YPEL2: variants seen among roughly 807,000 people sequenced by gnomAD.
YPEL2 encodes yippee like 2.
In YPEL2, 2 loss-of-function variants were observed where a neutral mutation model predicts 19.1. The observed-to-expected ratio is 0.10, with a 90% confidence interval of 0.04 to 0.33. The LOEUF is 0.33. Ranked by LOEUF, YPEL2 falls within the 10% of genes least tolerant of loss-of-function variation. YPEL2 has a pLI of 1.00. For missense variants in YPEL2, 66 were observed against 140.7 expected (o/e 0.47, Z 2.68); for synonymous variants, 52 against 50.0 (o/e 1.04, Z -0.17).
intron 2 of YPEL2, among the ~76,000 whole-genome samples, chr17:59,361,459 A>T (rs1415608952): frequency 6.6e-6 from 1 of 152,208 alleles, no homozygotes; most frequent in African/African-American, 2.4e-5. Flanking sequence ...AGCAGTTATC[A>T]CAGTGTGATG....
At chr17:59,363,602 C>T (rs908371557) in intron 2 of YPEL2, among the ~76,000 whole-genome samples, 2 of 152,204 alleles carry the variant, frequency 1.3e-5, no homozygotes, top group Admixed American at 6.5e-5. Context: ...CATGAGCCGC[C>T]GCACCCAGCT....
At chr17:59,374,229 G>C (rs925964947) in intron 2 of YPEL2, among the ~76,000 whole-genome samples, 1 of 152,194 alleles carries the variant, frequency 6.6e-6, no homozygotes, top group Non-Finnish European at 1.5e-5. Context: ...TCCATTTCTA[G>C]AGGGAATACC....
intron 2 of YPEL2, among the ~76,000 whole-genome samples, chr17:59,359,481 G>C (rs536359690): frequency 3.0e-4 from 45 of 152,166 alleles, no homozygotes; most frequent in Non-Finnish European, 5.3e-4. Context: ...AGACCAGAAT[G>C]CCAGTTAGCA....
intron 2 of YPEL2, chr17:59,354,711 C>T (rs2047803992): frequency 6.6e-6 from 1 of 152,280 alleles, no homozygotes; most frequent in Non-Finnish European, 1.5e-5. Flanking sequence ...AGCGTACAGC[C>T]CCTTAGAGTC....
rs1036539301 is a variant in YPEL2, at chr17:59,397,700, G to GA, written c.*520dup. 3.5e-4 allele frequency: 52 copies of GA among 149,862 alleles called. No homozygotes were observed. The highest frequency in any genetic ancestry group is 1.1e-3 in the African/African-American group (44 of 40,960). The allele number at this position is 149,862 out of a possible 1,614,324, so 9.3% of individuals were successfully genotyped here. On this transcript the variant is annotated 3_prime_UTR_variant, in exon 5 of 5. Coordinates refer to ENST00000312655, the MANE Select transcript of YPEL2 (RefSeq NM_001005404.4). ...ATTGACTTGTCTAAAAGGACAAAGAGAAAAAAAAAATACCTCATGACTGCA... is the reference window on the plus strand; with the variant it reads ...ATTGACTTGTCTAAAAGGACAAAGAGAAAAAAAAAAATACCTCATGACTGCA...
intron 4 of YPEL2, among the ~76,000 whole-genome samples, chr17:59,396,201 G>T (rs2048038581): frequency 6.6e-6 from 1 of 152,152 alleles, no homozygotes; most frequent in Non-Finnish European, 1.5e-5. Context: ...AGTAAACCAA[G>T]ATTTATATAT....
chr17:59,338,788 A>G (rs1053458951), intron 1 of YPEL2, among the ~76,000 whole-genome samples: 5 of 152,200 alleles, frequency 3.3e-5, no homozygotes, highest in African/African-American at 9.7e-5. Flanking sequence ...GAGGGAGGCT[A>G]TCTCTAGGGA....
At chr17:59,372,490 T>C (rs1471786864) in intron 2 of YPEL2, among the ~76,000 whole-genome samples, 1 of 152,210 alleles carries the variant, frequency 6.6e-6, no homozygotes, top group Non-Finnish European at 1.5e-5. Context: ...ATGAAAGTGC[T>C]GGAATTTGCA....
chr17:59,335,488 G>A (rs977282339), intron 1 of YPEL2, among the ~76,000 whole-genome samples: 43 of 151,728 alleles, frequency 2.8e-4, no homozygotes, highest in Non-Finnish European at 2.8e-4. Context: ...TCTGAAACAT[G>A]CCATACTTAG....
chr17:59,389,465 ATACGTAAG>A lies in YPEL2; in HGVS notation c.270_270+7del. On this transcript the variant is annotated splice_donor_variant and splice_donor_5th_base_variant and coding_sequence_variant and intron_variant, in exon 4 of 5. Transcript: ENST00000312655. LOFTEE classifies it high-confidence loss of function. Reference sequence around the variant, plus strand: ...ACTGCAAAACCACTCTGGGCTGGAAATACGTAAGTATAAAGGAGTTTGGTTGGTAGAGG... The same window carrying A: ...ACTGCAAAACCACTCTGGGCTGGAAATATAAAGGAGTTTGGTTGGTAGAGG... 2 of 1,612,770 alleles carry A rather than the reference ATACGTAAG, an allele frequency of 1.2e-6. No individual in the cohort carries two copies. Among genetic ancestry groups the A allele is most frequent in the Non-Finnish European group, 1.7e-6 (2 of 1,179,572 alleles).
intron 2 of YPEL2, among the ~76,000 whole-genome samples, chr17:59,380,458 C>CG (rs1157043995): frequency 6.6e-6 from 1 of 151,704 alleles, no homozygotes; most frequent in African/African-American, 2.4e-5. Context: ...TTAGTAGAGA[C>CG]GGGGTTTCGC....
chr17:59,354,925 G>A (rs1461002850), intron 2 of YPEL2: 1 of 151,728 alleles, frequency 6.6e-6, no homozygotes, highest in Non-Finnish European at 1.5e-5. Flanking sequence ...TCTCTTGGAC[G>A]TTGGAATTGG....
At chr17:59,372,552 C>G (rs924353066) in intron 2 of YPEL2, among the ~76,000 whole-genome samples, 3 of 152,226 alleles carry the variant, frequency 2.0e-5, no homozygotes, top group Non-Finnish European at 4.4e-5. Context: ...TAGAAACTAA[C>G]AAGTTCTGCT....
chr17:59,359,959 G>T (rs572273804), intron 2 of YPEL2, among the ~76,000 whole-genome samples: 8 of 152,338 alleles, frequency 5.3e-5, no homozygotes, highest in Non-Finnish European at 1.2e-4. Context: ...GAGTGCAGTG[G>T]TGCGATCTCG....
intron 2 of YPEL2, among the ~76,000 whole-genome samples, chr17:59,384,515 A>G (rs979354898): frequency 5.9e-5 from 9 of 152,212 alleles, no homozygotes; most frequent in Admixed American, 4.6e-4. Flanking sequence ...CAGAGACAGA[A>G]AAAGAACACC....
chr17:59,341,063 G>A (rs2047727173), intron 1 of YPEL2, among the ~76,000 whole-genome samples: 1 of 148,362 alleles, frequency 6.7e-6, no homozygotes, highest in Non-Finnish European at 1.5e-5. Flanking sequence ...GGTGGCTCAT[G>A]CCTGTAATCC....
At chr17:59,333,721 A>G (rs1316801045) in intron 1 of YPEL2, among the ~76,000 whole-genome samples, 1 of 152,200 alleles carries the variant, frequency 6.6e-6, no homozygotes, top group Non-Finnish European at 1.5e-5. Context: ...GCTTTAAGGC[A>G]GAGGTCCTCA....
intron 1 of YPEL2, among the ~76,000 whole-genome samples, chr17:59,345,940 AGACG>A (rs1239151668): frequency 3.9e-5 from 6 of 152,128 alleles, no homozygotes; most frequent in Admixed American, 1.3e-4. Flanking sequence ...AGAAGAACCA[AGACG>A]GAATCCAGGT....
chr17:59,362,281 A>C (rs1283048199), intron 2 of YPEL2, among the ~76,000 whole-genome samples: 1 of 144,920 alleles, frequency 6.9e-6, no homozygotes. Context: ...TTTTTTTTTT[A>C]ATTGTGTTTA....
Sources: gnomAD v4.1 joint callset for allele counts (sites outside exome capture counted in the v4.1 genomes callset) on GRCh38, gnomAD v4.1.1 for gene constraint, MANE v1.5 for transcripts, NCBI Gene and HGNC (gene_info 2026-07-23, HGNC 2026-07-21) for gene names.